REPS2: variants seen among roughly 807,000 people sequenced by gnomAD.
REPS2 encodes the protein RALBP1 associated Eps domain containing 2.
In REPS2, 23 loss-of-function variants were observed where a neutral mutation model predicts 53.6. The ratio of observed to expected loss-of-function variants is 0.43; its 90% CI spans 0.31 to 0.61. The LOEUF (loss-of-function observed/expected upper bound fraction) is 0.61, where lower values mean the gene tolerates loss of function less well. Among genes scored for constraint, REPS2 ranks in the 20% least tolerant of loss-of-function variants. The pLI, the probability that REPS2 is intolerant of heterozygous loss-of-function variation, is 0.11. For missense variants in REPS2, 446 were observed against 534.9 expected, an observed-to-expected ratio of 0.83 and a Z score of 1.64; for synonymous variants, 238 against 218.6, an observed-to-expected ratio of 1.09 and a Z score of -0.78.
intron 1 of REPS2, among the ~76,000 whole-genome samples, chrX:16,968,954 C>T (rs113154512): frequency 2.8e-5 from 3 of 107,223 alleles, no homozygotes; most frequent in East Asian, 3.1e-4. Context: ...GCGGAGGGGC[C>T]CCTCACTTCT....
intron 2 of REPS2, among the ~76,000 whole-genome samples, chrX:17,008,385 C>T (rs1474224203): frequency 9.0e-6 from 1 of 111,685 alleles, no homozygotes; most frequent in Non-Finnish European, 1.9e-5. Flanking sequence ...TGATTTGTGC[C>T]CAGATTGACA....
At chrX:16,966,782 T>C (rs1222818560) in intron 1 of REPS2, among the ~76,000 whole-genome samples, 2 of 112,764 alleles carry the variant, frequency 1.8e-5, no homozygotes, top group East Asian at 5.5e-4. Context: ...AGTATAGATA[T>C]CTTGCTACTA....
At chrX:17,174,842 C>T in the REPS2 span, among the ~76,000 whole-genome samples, 7 of 112,790 alleles carry the variant, frequency 6.2e-5, no homozygotes, top group Non-Finnish European at 1.3e-4. Flanking sequence ...GAAGCCAAAG[C>T]AGATCCTCAC....
intron 13 of REPS2, among the ~76,000 whole-genome samples, chrX:17,086,275 A>T (rs959177381): frequency 8.9e-6 from 1 of 112,274 alleles, no homozygotes; most frequent in African/African-American, 3.2e-5. Context: ...TTCTTACTGC[A>T]CCACATTAAG....
At chrX:17,195,079 A>G in the REPS2 span, among the ~76,000 whole-genome samples, 4 of 112,230 alleles carry the variant, frequency 3.6e-5, no homozygotes, top group African/African-American at 1.3e-4. Context: ...TGTGGTTGTG[A>G]GGGAGGGAGA....
intron 14 of REPS2, among the ~76,000 whole-genome samples, chrX:17,126,592 G>A (rs746518722): frequency 1.7e-3 from 191 of 111,867 alleles, no homozygotes; most frequent in Non-Finnish European, 2.8e-3. Flanking sequence ...AATGTTCTGT[G>A]TGCTCAGTGA....
rs187635847 is a variant in REPS2, at chrX:17,129,060, G to C, written c.1579-4764G>C. 2.6e-4 allele frequency among the ~76,000 whole-genome samples: 29 copies of C among 111,477 alleles called. No individual in the cohort carries two copies. In the East Asian group the frequency reaches 5.9e-3, roughly 23 times the overall value. ...TTTTTCCCACAAGAATCAGTCACTGGATTTCAGTTCAGAAAACCAAAACTG... is the reference window on the plus strand; with the variant it reads ...TTTTTCCCACAAGAATCAGTCACTGCATTTCAGTTCAGAAAACCAAAACTG... On this transcript the variant is annotated intron_variant, in intron 14 of 17. Coordinates refer to ENST00000357277, the MANE Select transcript of REPS2 (RefSeq NM_004726.3).
At chrX:17,180,508 A>G in the REPS2 span, among the ~76,000 whole-genome samples, 1 of 111,074 alleles carries the variant, frequency 9.0e-6, no homozygotes, top group African/African-American at 3.3e-5. Flanking sequence ...TACCCTCAAA[A>G]TAAGCCTTAG....
chrX:17,053,078 T>A (rs1235589801), intron 7 of REPS2, among the ~76,000 whole-genome samples: 8 of 111,818 alleles, frequency 7.2e-5, no homozygotes, highest in African/African-American at 2.6e-4. Context: ...CTCGGCTGTG[T>A]GTGGGCTAGT....
intron 10 of REPS2, 133 bp from the exon 11 acceptor site, chrX:17,069,807 G>A (rs1483950028): frequency 8.6e-6 from 3 of 347,233 alleles, no homozygotes; most frequent in Non-Finnish European, 9.8e-6. Context: ...AGAGGTTTGT[G>A]AGACCTGTTT....
At chrX:17,139,772 A>G (rs1330498795) in intron 17 of REPS2, among the ~76,000 whole-genome samples, 2 of 110,577 alleles carry the variant, frequency 1.8e-5, no homozygotes, top group South Asian at 4.0e-4. Flanking sequence ...CTGTTGTCAC[A>G]TGGCCTTCTT....
intron 13 of REPS2, among the ~76,000 whole-genome samples, chrX:17,097,236 A>G (rs1603007928): frequency 8.9e-6 from 1 of 112,081 alleles, no homozygotes; most frequent in Non-Finnish European, 1.9e-5. Context: ...ATAGCTGTCA[A>G]TTTAGAATTC....
At chrX:17,195,851 G>A in the REPS2 span, among the ~76,000 whole-genome samples, 1 of 112,491 alleles carries the variant, frequency 8.9e-6, no homozygotes, top group East Asian at 2.8e-4. Flanking sequence ...AGGTTTATGC[G>A]AAATGCAATA....
Position 16,946,735 on chromosome X carries a change from TGGTGGCGGCGGCGGTGGTGGC to T in REPS2, c.-124_-104del. The T allele has an allele frequency of 1.5e-6, 1 of 670,521 alleles. No individual in the cohort carries two copies. Among genetic ancestry groups the T allele is most frequent in the Non-Finnish European group, 1.7e-6 (1 of 573,387 alleles). The allele number at this position is 670,521 out of a possible 1,213,427, so 55.3% of individuals were successfully genotyped here. ...CGGCAGCTGCGGGGCGTGGGGGTGGTGGTGGCGGCGGCGGTGGTGGCGGCGGCGGCGGCGGCGGCAGCTGAG... is the reference window on the plus strand; with the variant it reads ...CGGCAGCTGCGGGGCGTGGGGGTGGTGGCGGCGGCGGCGGCGGCAGCTGAG... On this transcript the variant is annotated 5_prime_UTR_variant, in exon 1 of 18. Coordinates refer to ENST00000357277, the MANE Select transcript of REPS2 (RefSeq NM_004726.3).
intron 14 of REPS2, among the ~76,000 whole-genome samples, chrX:17,112,199 A>G (rs2062980928): frequency 9.0e-6 from 1 of 111,087 alleles, no homozygotes; most frequent in Non-Finnish European, 1.9e-5. Flanking sequence ...AGCTCAAGTA[A>G]TCCTCCCACC....
intron 2 of REPS2, among the ~76,000 whole-genome samples, chrX:17,008,068 C>G (rs1325043836): frequency 8.9e-6 from 1 of 112,191 alleles, no homozygotes; most frequent in Non-Finnish European, 1.9e-5. Context: ...AAAGGCATCT[C>G]TTGGTATGAC....
In REPS2 at chrX:16,951,333, A is replaced by G. The variant is rs771247441; in HGVS notation, c.273+4199A>G. On this transcript the variant is annotated intron_variant, in intron 1 of 17. Transcript: ENST00000357277. The stretch of plus-strand genomic sequence containing the variant: ...TCCTGCTCTTAAAATAAGTCAGCAC[A>G]GGGAAATAAATACTCTATAAAGAGA... Among the ~76,000 whole-genome samples, 5 of 111,711 alleles carry G rather than the reference A, an allele frequency of 4.5e-5. No homozygotes were observed. The South Asian group carries it at 1.5e-3, about 33-fold the overall frequency.
At chrX:17,059,655 C>T (rs964518234) in intron 8 of REPS2, among the ~76,000 whole-genome samples, 4 of 109,295 alleles carry the variant, frequency 3.7e-5, no homozygotes, top group Non-Finnish European at 7.6e-5. Context: ...TTAGTAGAGA[C>T]GGGGTTTCAC....
chrX:17,074,308 A>G (rs938605542), intron 12 of REPS2, 149 bp downstream of exon 12: 1 of 507,493 alleles, frequency 2.0e-6, no homozygotes, highest in Admixed American at 3.1e-5. Context: ...GCATGGCCTG[A>G]TGGGAACATG....
Sources: gnomAD v4.1 joint callset for allele counts (sites outside exome capture counted in the v4.1 genomes callset) on GRCh38, gnomAD v4.1.1 for gene constraint, MANE v1.5 for transcripts, NCBI Gene and HGNC (gene_info 2026-07-23, HGNC 2026-07-21) for gene names.